The following BMP2K variants were observed in gnomAD, a reference collection of about 807,000 sequenced individuals.
BMP2K encodes BMP2 inducible kinase.
Under a neutral mutation model 116.0 loss-of-function variants are expected in BMP2K, and 74 were observed. The ratio of observed to expected loss-of-function variants is 0.64; its 90% CI spans 0.53 to 0.77. The LOEUF is 0.77. Ranked by LOEUF, BMP2K falls within the 30% of genes least tolerant of loss-of-function variation. The pLI is 0.00. For synonymous variants in BMP2K, 486 were observed against 502.5 expected (o/e 0.97, Z 0.44); for missense variants, 1,365 against 1,403.6 (o/e 0.97, Z 0.44).
chr4:78,833,104 C>A (rs1173215623), intron 2 of BMP2K, among the ~76,000 whole-genome samples: 1 of 151,846 alleles, frequency 6.6e-6, no homozygotes, highest in East Asian at 1.9e-4. Context: ...ATCTTTTTAG[C>A]CACTTGTTCA....
chr4:78,776,826 C>T (rs1490592589), intron 1 of BMP2K, 105 bp downstream of exon 1: 1 of 1,057,948 alleles, frequency 9.5e-7, no homozygotes, highest in Admixed American at 4.6e-5. Flanking sequence ...ATACCCCATT[C>T]TTCCTCTGCT....
intron 1 of BMP2K, among the ~76,000 whole-genome samples, chr4:78,800,400 A>G (rs1380391724): frequency 2.0e-5 from 3 of 152,200 alleles, no homozygotes; most frequent in African/African-American, 4.8e-5. Context: ...AACAAAGCCC[A>G]TATGGCACAC....
chr4:78,782,614 A>G (rs1727557578), intron 1 of BMP2K, among the ~76,000 whole-genome samples: 1 of 152,216 alleles, frequency 6.6e-6, no homozygotes, highest in Admixed American at 6.5e-5. Context: ...CCGTTAAGGC[A>G]GTGTCATTTC....
At chr4:78,885,782 C>T (rs565010811) in intron 14 of BMP2K, among the ~76,000 whole-genome samples, 1 of 152,114 alleles carries the variant, frequency 6.6e-6, no homozygotes, top group Non-Finnish European at 1.5e-5. Context: ...TTTTGATTGC[C>T]AAGAATCAGA....
At chr4:78,804,892 A>G (rs1220645236) in intron 1 of BMP2K, among the ~76,000 whole-genome samples, 1 of 151,560 alleles carries the variant, frequency 6.6e-6, no homozygotes, top group Non-Finnish European at 1.5e-5. Context: ...TGCTTTCTTG[A>G]TAGTGTCTTC....
At chr4:78,788,562 A>G (rs950529283) in intron 1 of BMP2K, among the ~76,000 whole-genome samples, 1 of 152,132 alleles carries the variant, frequency 6.6e-6, no homozygotes, top group Non-Finnish European at 1.5e-5. Flanking sequence ...ATGCAACCCA[A>G]AGGAGAAATT....
At chr4:78,786,807 C>T (rs1727754303) in intron 1 of BMP2K, among the ~76,000 whole-genome samples, 1 of 152,148 alleles carries the variant, frequency 6.6e-6, no homozygotes, top group Admixed American at 6.5e-5. Flanking sequence ...ACTCATATAG[C>T]ACTTATCTTA....
Position 78,865,670 on chromosome 4 carries a change from C to T in BMP2K, c.1181C>T (p.Thr394Ile). 2 of 1,614,120 alleles carry T rather than the reference C, an allele frequency of 1.2e-6. No homozygotes were observed. The highest frequency in any genetic ancestry group is 1.7e-6 in the Non-Finnish European group (2 of 1,180,002). The change falls in exon 10 of 16, where the codon ACA (threonine) becomes ATA (isoleucine). Residue 394 changes from threonine to isoleucine, a missense_variant. Physicochemically the swap from Thr to Ile is moderately conservative, Grantham distance 89. This residue lies in a region of BMP2K where 762 missense variants were observed against 756.7 expected (regional missense o/e 1.01). Coordinates refer to ENST00000502613, the MANE Select transcript of BMP2K (RefSeq NM_198892.2). ...PSVLTIQSSA[T>I]PVKVLAPGEF... ...GTGCTGACCATTCAAAGTTCAGCAA[C>T]ACCTGTTAAAGTCCTTGCTCCTGGT...
In BMP2K at chr4:78,912,016, T is replaced by C. The variant is rs1042763727; in HGVS notation, c.3469T>C (p.Phe1157Leu). 1 of 1,610,682 alleles carries C rather than the reference T, an allele frequency of 6.2e-7. No individual in the cohort carries two copies. Among genetic ancestry groups the C allele is most frequent in the African/African-American group, 1.3e-5 (1 of 75,004 alleles). The change falls in exon 16 of 16, where the codon TTT (phenylalanine) becomes CTT (leucine). Residue 1157 changes from phenylalanine to leucine, a missense_variant. Physicochemically the swap from Phe to Leu is conservative, Grantham distance 22. Coordinates refer to ENST00000502613, the MANE Select transcript of BMP2K (RefSeq NM_198892.2). ...VELDPFGAAP[F>L]PSKQ ...ATTAGACCCATTTGGTGCTGCTCCA[T>C]TTCCTTCTAAACAGTAGATACTTCT...
chr4:78,841,968 A>G (rs72660906), intron 3 of BMP2K, among the ~76,000 whole-genome samples: 6,942 of 152,150 alleles, frequency 0.046, 222 homozygotes, highest in Middle Eastern at 0.12. Flanking sequence ...ATTATGATAT[A>G]TAATTATTAC....
chr4:78,779,123 A>T (rs1177521611), intron 1 of BMP2K, among the ~76,000 whole-genome samples: 4 of 152,202 alleles, frequency 2.6e-5, no homozygotes, highest in African/African-American at 9.7e-5. Context: ...TGTTGCAAAA[A>T]GTCACCGTGA....
At chr4:78,843,821 A>C (rs138669529) in intron 4 of BMP2K, among the ~76,000 whole-genome samples, 191 of 151,954 alleles carry the variant, frequency 1.3e-3, no homozygotes, top group African/African-American at 4.5e-3. Flanking sequence ...TGCAAAGTTG[A>C]TATCTTCAGC....
chr4:78,809,196 T>C (rs1728962932), intron 1 of BMP2K, among the ~76,000 whole-genome samples: 1 of 152,238 alleles, frequency 6.6e-6, no homozygotes, highest in Admixed American at 6.5e-5. Flanking sequence ...TCATTTCTTT[T>C]ATTTCTAATG....
intron 1 of BMP2K, among the ~76,000 whole-genome samples, chr4:78,778,731 G>A (rs569467341): frequency 1.3e-5 from 2 of 152,272 alleles, no homozygotes; most frequent in East Asian, 1.9e-4. Context: ...CCACAATTTA[G>A]ACAAGATGTT....
chr4:78,901,357 A>C (rs901280921), intron 15 of BMP2K, among the ~76,000 whole-genome samples: 1 of 152,112 alleles, frequency 6.6e-6, no homozygotes, highest in African/African-American at 2.4e-5. Context: ...CATTGTGCCC[A>C]GCCCAAACTT....
rs986824962 is a variant in BMP2K at position 78,864,812 on chromosome 4, G to C, written c.1068-745G>C. On this transcript the variant is annotated intron_variant, in intron 9 of 15. Transcript: ENST00000502613. ...TTTGGTCCTATTAACAAGTATTTGA[G>C]TTTTTGTACTTAATTTATAGAAAGC... is the stretch of plus-strand genomic sequence containing the variant. 2.6e-5 allele frequency among the ~76,000 whole-genome samples: 4 copies of C among 152,162 alleles called. 1 individual carries two copies. Among genetic ancestry groups the C allele is most frequent in the Admixed American group, 2.6e-4 (4 of 15,270 alleles).
intron 1 of BMP2K, among the ~76,000 whole-genome samples, chr4:78,787,536 A>T (rs1727787444): frequency 6.6e-6 from 1 of 152,138 alleles, no homozygotes. Flanking sequence ...GATCTTAAGA[A>T]AACAGTTTTG....
intron 15 of BMP2K, among the ~76,000 whole-genome samples, chr4:78,888,693 C>T (rs900855737): frequency 4.6e-5 from 7 of 152,186 alleles, no homozygotes; most frequent in African/African-American, 1.7e-4. Flanking sequence ...TACTTCGCAA[C>T]ATGTTCACAG....
At position 78,911,718 on chromosome 4, in the gene BMP2K, T is replaced by A. The variant is rs755505436; in HGVS notation, c.3171T>A (p.Asn1057Lys). The A allele has an allele frequency of 4.3e-6, 7 of 1,613,956 alleles. No individual in the cohort carries two copies. The South Asian group carries it at 7.7e-5, about 18-fold the overall frequency. ...VALTDGKDRG[N>K]VLQPEESLLD... The stretch of plus-strand genomic sequence containing the variant: ...TGACTGATGGGAAAGATAGGGGGAA[T>A]GTCTTACAACCTGAGGAGAGCCTGT... Residue 1057 changes from asparagine to lysine, a missense_variant, in exon 16 of 16, where the codon AAT (asparagine) becomes AAA (lysine). Around this residue, in one of 3 missense-constraint regions of BMP2K, gnomAD observed 596 missense variants for 623.2 expected, o/e 0.96. Coordinates refer to ENST00000502613, the MANE Select transcript of BMP2K (RefSeq NM_198892.2).
Sources: allele counts gnomAD v4.1 joint callset (sites outside exome capture counted in the v4.1 genomes callset), GRCh38; gene constraint gnomAD v4.1.1; regional missense constraint gnomAD v4.1.1; transcripts MANE v1.5; gene names NCBI Gene and HGNC (gene_info 2026-07-23, HGNC 2026-07-21).